AMPH: variants seen among roughly 807,000 people sequenced by gnomAD.
AMPH encodes amphiphysin.
Under a neutral mutation model 99.1 loss-of-function variants are expected in AMPH, and 49 were observed. That is an observed-to-expected ratio of 0.49 (90% CI 0.39 to 0.63). AMPH has a LOEUF of 0.63. AMPH is among the 20% of genes least tolerant of loss of function. The pLI, the probability that AMPH is intolerant of heterozygous loss-of-function variation, is 0.00. For synonymous variants in AMPH, 314 were observed against 317.3 expected (o/e 0.99, Z 0.11); for missense variants, 759 against 863.4 (o/e 0.88, Z 1.52).
intron 2 of AMPH, among the ~76,000 whole-genome samples, chr7:38,506,175 T>C (rs1789316837): frequency 6.6e-6 from 1 of 152,162 alleles, no homozygotes; most frequent in African/African-American, 2.4e-5. Flanking sequence ...CCTCTGTTGT[T>C]GAAAGCCACT....
chr7:38,567,152 A>G (rs1469215195), intron 1 of AMPH, among the ~76,000 whole-genome samples: 1 of 152,240 alleles, frequency 6.6e-6, no homozygotes, highest in Non-Finnish European at 1.5e-5. Flanking sequence ...ATGCTCATCA[A>G]TGATAGACTG....
At chr7:38,475,244 C>T (rs1324447367) in intron 7 of AMPH, 87 bp downstream of exon 7, 1 of 860,622 alleles carries the variant, frequency 1.2e-6, no homozygotes, top group Non-Finnish European at 1.9e-6. Flanking sequence ...TGAAATGTCA[C>T]AGTAATAATA....
intron 2 of AMPH, among the ~76,000 whole-genome samples, chr7:38,533,159 A>G (rs1387147361): frequency 6.6e-6 from 1 of 152,150 alleles, no homozygotes; most frequent in African/African-American, 2.4e-5. Flanking sequence ...AAAATCACCA[A>G]ATGAGAACAG....
chr7:38,570,984 CAATATAT>C lies in AMPH; in HGVS notation c.70-35980_70-35974del, dbSNP rs1562834381. The stretch of plus-strand genomic sequence containing the variant: ...TATATATATAGAATATATATATATT[CAATATAT>C]ATATATTCATATATATAGAATATAT... On this transcript the variant is annotated intron_variant, in intron 1 of 20. Coordinates refer to ENST00000356264, the MANE Select transcript of AMPH (RefSeq NM_001635.4). 8.2e-3 allele frequency among the ~76,000 whole-genome samples: 45 copies of C among 5,484 alleles called. 7 individuals carry two copies. Among genetic ancestry groups the C allele is most frequent in the African/African-American group, 0.035 (44 of 1,260 alleles). The allele number at this position is 5,484 out of a possible 152,430, so 3.6% of individuals were successfully genotyped here.
intron 7 of AMPH, among the ~76,000 whole-genome samples, chr7:38,466,879 T>C (rs1216919367): frequency 1.3e-5 from 2 of 152,260 alleles, no homozygotes; most frequent in Non-Finnish European, 2.9e-5. Flanking sequence ...ATAATAGCAA[T>C]GAGATTAACT....
intron 15 of AMPH, among the ~76,000 whole-genome samples, chr7:38,423,478 A>T (rs1031444700): frequency 6.6e-6 from 1 of 152,218 alleles, no homozygotes; most frequent in Non-Finnish European, 1.5e-5. Flanking sequence ...TTGGTTGAAG[A>T]TGGTGTTTTG....
intron 17 of AMPH, among the ~76,000 whole-genome samples, chr7:38,402,189 A>G (rs1272021525): frequency 6.6e-6 from 1 of 152,042 alleles, no homozygotes; most frequent in African/African-American, 2.4e-5. Context: ...TTTCTTCTCA[A>G]TATGGTTGCC....
chr7:38,477,778 C>T (rs890636542), intron 5 of AMPH, among the ~76,000 whole-genome samples: 4 of 152,024 alleles, frequency 2.6e-5, no homozygotes, highest in Admixed American at 2.6e-4. Flanking sequence ...CAGGTGCAAG[C>T]AAAGATCTAC....
At chr7:38,386,960 G>T (rs1463163810) in intron 20 of AMPH, among the ~76,000 whole-genome samples, 1 of 152,126 alleles carries the variant, frequency 6.6e-6, no homozygotes, top group Non-Finnish European at 1.5e-5. Flanking sequence ...ACACTCAGGG[G>T]GGTTATCTTG....
At chr7:38,457,852 T>C (rs1478133995) in intron 11 of AMPH, among the ~76,000 whole-genome samples, 1 of 152,204 alleles carries the variant, frequency 6.6e-6, no homozygotes, top group Non-Finnish European at 1.5e-5. Context: ...TTTAATTTAA[T>C]CTGTTTTCTT....
At position 38,463,092 on chromosome 7, in the gene AMPH, A is replaced by C. The variant is rs1244528324; in HGVS notation, c.771T>G (p.Ile257Met). The change falls in exon 10 of 21, where the codon ATT becomes ATG. Residue 257 changes from isoleucine (I) to methionine (M), a missense_variant. By Grantham distance (10) the Ile-to-Met change is conservative. Coordinates refer to ENST00000356264, the MANE Select transcript of AMPH (RefSeq NM_001635.4). Reference protein sequence around the residue: ...GAPSDSGPLRIAKTPSPPEEP... With the variant: ...GAPSDSGPLRMAKTPSPPEEP... ...CCTCAGGCGGTGATGGTGTCTTTGC[A>C]ATGCGGAGAGGACCCGAATCACTAG... The C allele has an allele frequency of 1.7e-5, 28 of 1,612,990 alleles. No homozygotes were observed. In the Admixed American group the frequency reaches 4.7e-4, roughly 27 times the overall value.
At chr7:38,401,453 T>C (rs1242396441) in intron 17 of AMPH, among the ~76,000 whole-genome samples, 1 of 152,232 alleles carries the variant, frequency 6.6e-6, no homozygotes, top group Non-Finnish European at 1.5e-5. Context: ...TTCCAGTCAA[T>C]TGCAATATAG....
At chr7:38,428,056 G>T (rs1372158111) in intron 14 of AMPH, 4 of 456,564 alleles carry the variant, frequency 8.8e-6, no homozygotes, top group Non-Finnish European at 1.8e-5. Flanking sequence ...TCACCTGCTA[G>T]TAAGTCCACC....
intron 1 of AMPH, among the ~76,000 whole-genome samples, chr7:38,621,435 G>A (rs1056779878): frequency 6.6e-6 from 1 of 152,078 alleles, no homozygotes; most frequent in Admixed American, 6.6e-5. Flanking sequence ...CTCAATAAAT[G>A]GCTCTAAATA....
chr7:38,617,276 C>T (rs28393755), intron 1 of AMPH, among the ~76,000 whole-genome samples: 12,200 of 152,224 alleles, frequency 0.08, 806 homozygotes, highest in African/African-American at 0.17. Flanking sequence ...CCCCTGGTCA[C>T]CTCTGATAGA....
intron 1 of AMPH, among the ~76,000 whole-genome samples, chr7:38,565,480 CT>C (rs1024180330): frequency 6.6e-6 from 1 of 152,148 alleles, no homozygotes; most frequent in Non-Finnish European, 1.5e-5. Flanking sequence ...TTCACATGGT[CT>C]TTTTTTCTGT....
chr7:38,580,238 G>C (rs1792396456), intron 1 of AMPH, among the ~76,000 whole-genome samples: 1 of 152,072 alleles, frequency 6.6e-6, no homozygotes. Flanking sequence ...AAATAGTAAA[G>C]CTTCATTATT....
intron 15 of AMPH, among the ~76,000 whole-genome samples, chr7:38,426,268 C>T (rs1310656455): frequency 6.6e-6 from 1 of 152,204 alleles, no homozygotes; most frequent in Non-Finnish European, 1.5e-5. Context: ...ATCCAGGAGC[C>T]TGAGAGCCAT....
intron 17 of AMPH, 123 bp downstream of exon 17, chr7:38,417,702 T>C: frequency 7.8e-7 from 1 of 1,286,836 alleles, no homozygotes; most frequent in Non-Finnish European, 1.1e-6. Context: ...ACCTGGGAGC[T>C]ACGACAGATA....
Sources: gnomAD v4.1 joint callset for allele counts (sites outside exome capture counted in the v4.1 genomes callset) on GRCh38, gnomAD v4.1.1 for gene constraint, MANE v1.5 for transcripts, NCBI Gene and HGNC (gene_info 2026-07-23, HGNC 2026-07-21) for gene names.